CNIH3: variants seen among roughly 807,000 people sequenced by gnomAD.
The protein encoded by CNIH3 is cornichon family AMPA receptor auxiliary protein 3, also known as protein cornichon homolog 3.
Under a neutral mutation model 24.1 loss-of-function variants are expected in CNIH3, and 14 were observed. That is an observed-to-expected ratio of 0.58 (90% confidence interval 0.38 to 0.91). The LOEUF (loss-of-function observed/expected upper bound fraction) is 0.91, where lower values mean the gene tolerates loss of function less well. Among genes scored for constraint, CNIH3 ranks in the 40% least tolerant of loss-of-function variants. The probability of loss-of-function intolerance (pLI) is 0.00; values close to 1 mark genes in which losing one functional copy is unlikely to be tolerated. For missense variants in CNIH3, 178 were observed against 196.8 expected, an observed-to-expected ratio of 0.90 and a Z score of 0.57; for synonymous variants, 68 against 73.8, an observed-to-expected ratio of 0.92 and a Z score of 0.40.
At chr1:224,579,648 T>C (rs1681188942) in intron 4 of CNIH3, among the ~76,000 whole-genome samples, 2 of 152,198 alleles carry the variant, frequency 1.3e-5, no homozygotes, top group Admixed American at 6.5e-5. Flanking sequence ...GTTTGGGTCA[T>C]GAGGGTGGAT....
intron 3 of CNIH3, among the ~76,000 whole-genome samples, chr1:224,607,211 T>C (rs7535525): frequency 0.047 from 7,117 of 152,294 alleles, 188 homozygotes; most frequent in East Asian, 0.085. Context: ...TGGTAAGTGC[T>C]GTAAATAAAA....
At chr1:224,677,675 T>A (rs1174624437) in intron 1 of CNIH3, among the ~76,000 whole-genome samples, 2 of 152,186 alleles carry the variant, frequency 1.3e-5, no homozygotes, top group Non-Finnish European at 2.9e-5. Context: ...CAGCCCCAGA[T>A]CCCCTTTGGC....
In CNIH3 at chr1:224,616,447, C is replaced by T. The variant is rs1682991229; in HGVS notation, c.-728C>T. ...TGGCCCGTTGGGTGGAGCCAGTGCT[C>T]GCCCCGGTCCGACCCCCGGTTTCCG... On this transcript the variant is annotated 5_prime_UTR_variant, in exon 1 of 6. Coordinates refer to ENST00000272133, the MANE Select transcript of CNIH3 (RefSeq NM_152495.2). The T allele has an allele frequency of 4.0e-6, 4 of 990,666 alleles. No individual in the cohort carries two copies. The highest frequency in any genetic ancestry group is 4.8e-6 in the Non-Finnish European group (4 of 832,754). The allele number at this position is 990,666 out of a possible 1,614,324, so 61.4% of individuals were successfully genotyped here. A position where few individuals can be genotyped will look rare whatever the true frequency, so the allele number is the denominator to read the frequency against.
At chr1:224,614,171 T>A (rs1282944960), upstream of CNIH3, among the ~76,000 whole-genome samples, 1 of 152,206 alleles carries the variant, frequency 6.6e-6, no homozygotes, top group Non-Finnish European at 1.5e-5. Flanking sequence ...TAAACCACCA[T>A]GCCTGGCCAG....
chr1:224,713,850 C>T (rs1688286858), intron 3 of CNIH3, among the ~76,000 whole-genome samples: 1 of 152,222 alleles, frequency 6.6e-6, no homozygotes, highest in Non-Finnish European at 1.5e-5. Flanking sequence ...AGGTCTCATT[C>T]TGCCACTTAG....
chr1:224,624,807 G>C (rs543866749), intron 1 of CNIH3, among the ~76,000 whole-genome samples: 1 of 152,286 alleles, frequency 6.6e-6, no homozygotes. Flanking sequence ...CCAGGTCCCG[G>C]TTAACTGTTT....
At position 224,692,873 on chromosome 1, in the gene CNIH3, A is replaced by G. The variant is rs79331502; in HGVS notation, c.198+8030A>G. 4.8e-3 allele frequency among the ~76,000 whole-genome samples: 731 copies of G among 152,274 alleles called. 7 individuals carry two copies. Among genetic ancestry groups the G allele is most frequent in the East Asian group, 0.029 (152 of 5,182 alleles). On this transcript the variant is annotated intron_variant, in intron 3 of 5. Coordinates refer to ENST00000272133, the MANE Select transcript of CNIH3 (RefSeq NM_152495.2). The stretch of plus-strand genomic sequence containing the variant: ...CCTTAAGGACCACCGCTACAGTAAC[A>G]TGGCTCAGCTGTTTTAAAGGGAAGC...
intron 1 of CNIH3, among the ~76,000 whole-genome samples, chr1:224,635,830 GCTTT>G (rs1684061472): frequency 6.6e-6 from 1 of 152,100 alleles, no homozygotes; most frequent in African/African-American, 2.4e-5. Flanking sequence ...TCCTGCCTCA[GCTTT>G]CTGAGTAGCT....
chr1:224,666,221 G>A (rs1044494003), intron 1 of CNIH3, among the ~76,000 whole-genome samples: 1 of 152,130 alleles, frequency 6.6e-6, no homozygotes, highest in Non-Finnish European at 1.5e-5. Context: ...CCCTTTCCAT[G>A]AGCCCAGGTG....
downstream of CNIH3, chr1:224,537,727 A>G (rs940887508): frequency 6.6e-6 from 1 of 152,226 alleles, no homozygotes; most frequent in African/African-American, 2.4e-5. Flanking sequence ...AAAGCACTGT[A>G]TGCATATATA....
chr1:224,646,820 A>G (rs942116706), intron 1 of CNIH3, among the ~76,000 whole-genome samples: 1 of 152,190 alleles, frequency 6.6e-6, no homozygotes, highest in African/African-American at 2.4e-5. Context: ...TTGGCCCTAC[A>G]CTGGTGAACT....
At chr1:224,444,639 C>T (rs1447558648) in intron 1 of CNIH3, among the ~76,000 whole-genome samples, 6 of 151,618 alleles carry the variant, frequency 4.0e-5, no homozygotes, top group Admixed American at 2.6e-4. Context: ...TGAGCCACCG[C>T]GCCCTGCTGG....
At chr1:224,584,374 A>G (rs1231147556) in intron 5 of CNIH3, among the ~76,000 whole-genome samples, 1 of 152,220 alleles carries the variant, frequency 6.6e-6, no homozygotes, top group Non-Finnish European at 1.5e-5. Context: ...GCCTGGCAGT[A>G]TTTAGGACAG....
rs199975990 is a variant in CNIH3, at chr1:224,667,740, GCAGT to G, written c.82-13212_82-13209del. On this transcript the variant is annotated intron_variant, in intron 1 of 5. Transcript: ENST00000272133. ...TCACTTTGAAGGGCAGTCAAGGAGG[GCAGT>G]CAGTCCAATAAAAAAAAAAAAAACC... is the stretch of plus-strand genomic sequence containing the variant. Among the ~76,000 whole-genome samples, 178 of 146,104 alleles carry G rather than the reference GCAGT, an allele frequency of 1.2e-3. 3 individuals are homozygous for G. The East Asian group carries it at 0.036, about 30-fold the overall frequency.
intron 4 of CNIH3, among the ~76,000 whole-genome samples, chr1:224,576,453 A>T (rs941052474): frequency 7.2e-5 from 11 of 152,188 alleles, no homozygotes; most frequent in African/African-American, 2.7e-4. Context: ...ATTTACCTAC[A>T]TATCTCTAAA....
chr1:224,585,662 T>G (rs113900661), intron 5 of CNIH3, among the ~76,000 whole-genome samples: 16,710 of 151,428 alleles, frequency 0.11, 1,399 homozygotes, highest in East Asian at 0.26. Context: ...CTTTTTTTTT[T>G]TTGTAGAGAT....
chr1:224,729,412 C>CAAAA (rs1184318000), intron 3 of CNIH3, among the ~76,000 whole-genome samples: 3 of 44,588 alleles, frequency 6.7e-5, no homozygotes, highest in African/African-American at 1.8e-4. Context: ...ACTATGTCTC[C>CAAAA]AAAAAAAAAA....
intron 3 of CNIH3, among the ~76,000 whole-genome samples, chr1:224,729,964 C>T (rs1319661862): frequency 6.6e-6 from 1 of 152,186 alleles, no homozygotes; most frequent in African/African-American, 2.4e-5. Context: ...CTGAGGCTGG[C>T]CATTTTTTCC....
At chr1:224,680,856 T>C (rs944849520) in intron 1 of CNIH3, 102 bp from the exon 2 acceptor site, 5 of 869,016 alleles carry the variant, frequency 5.8e-6, no homozygotes, top group Non-Finnish European at 9.7e-6. Flanking sequence ...CTACAGCCTC[T>C]TCCTTTCTGT....
Sources: allele counts gnomAD v4.1 joint callset (sites outside exome capture counted in the v4.1 genomes callset), GRCh38; gene constraint gnomAD v4.1.1; transcripts MANE v1.5; gene names NCBI Gene and HGNC (gene_info 2026-07-23, HGNC 2026-07-21).